PKP4: variants seen among roughly 807,000 people sequenced by gnomAD.
The protein encoded by PKP4 is plakophilin 4.
In PKP4, 90 loss-of-function variants were observed where a neutral mutation model predicts 145.1. The observed-to-expected ratio is 0.62, with a 90% CI of 0.52 to 0.74. The LOEUF is 0.74. Among genes scored for constraint, PKP4 ranks in the 30% least tolerant of loss-of-function variants. The pLI is 0.00. For missense variants in PKP4, 1,340 were observed against 1,482.7 expected (o/e 0.90, Z 1.58); for synonymous variants, 563 against 577.2 (o/e 0.98, Z 0.35).
chr2:158,577,866 C>T lies in PKP4; in HGVS notation c.245+483C>T, dbSNP rs145503764. On this transcript the variant is annotated intron_variant, in intron 3 of 21. Coordinates refer to ENST00000389759, the MANE Select transcript of PKP4 (RefSeq NM_003628.6). ...TGGAATAATTTACTGTACTCACATA[C>T]AGTAAATACTAAATGAGTGCATTAC... Among the ~76,000 whole-genome samples, 7 of 152,254 alleles carry T rather than the reference C, an allele frequency of 4.6e-5. No homozygotes were observed. In the South Asian group the frequency reaches 1.0e-3, roughly 23 times the overall value.
At chr2:158,543,840 C>T (rs570775802) in intron 2 of PKP4, among the ~76,000 whole-genome samples, 2 of 152,210 alleles carry the variant, frequency 1.3e-5, no homozygotes, top group African/African-American at 4.8e-5. Context: ...TACTCTTACC[C>T]AGAAAAGCAA....
At chr2:158,482,678 A>G (rs1693539845) in intron 1 of PKP4, among the ~76,000 whole-genome samples, 1 of 152,238 alleles carries the variant, frequency 6.6e-6, no homozygotes, top group East Asian at 1.9e-4. Context: ...TCTACAAAAA[A>G]TAAGCAAATT....
chr2:158,577,710 A>G (rs1303532476), intron 3 of PKP4, among the ~76,000 whole-genome samples: 1 of 152,198 alleles, frequency 6.6e-6, no homozygotes, highest in Non-Finnish European at 1.5e-5. Context: ...GGTGCTTTGA[A>G]CACCTGGTAT....
intron 2 of PKP4, among the ~76,000 whole-genome samples, chr2:158,562,206 A>G (rs1427876034): frequency 6.6e-6 from 1 of 152,230 alleles, no homozygotes; most frequent in Non-Finnish European, 1.5e-5. Context: ...ACTTTAAAAA[A>G]ATACATAAAA....
chr2:158,677,345 G>A, intron 20 of PKP4: 2 of 213,034 alleles, frequency 9.4e-6, no homozygotes, highest in Non-Finnish European at 1.9e-5. Context: ...AATAGCAAAA[G>A]GTATAATGTG....
Position 158,621,213 on chromosome 2 carries a change from T to C in PKP4, c.413-18T>C. 1 of 1,613,864 alleles carries C rather than the reference T, an allele frequency of 6.2e-7. No individual in the cohort carries two copies. Among genetic ancestry groups the C allele is most frequent in the Non-Finnish European group, 8.5e-7 (1 of 1,179,740 alleles). ...GAAGTGTGTATAATAAAGATATTTC[T>C]TGGTTTCATTCTTACAGGATCATTG... On this transcript the variant is annotated intron_variant, in intron 5 of 21. Coordinates refer to ENST00000389759, the MANE Select transcript of PKP4 (RefSeq NM_003628.6).
At chr2:158,657,686 A>G (rs2056124391) in intron 11 of PKP4, among the ~76,000 whole-genome samples, 1 of 152,248 alleles carries the variant, frequency 6.6e-6, no homozygotes, top group Non-Finnish European at 1.5e-5. Context: ...AAGAAAAAGA[A>G]ATATTTTTCC....
intron 16 of PKP4, 47 bp from the exon 17 acceptor site, chr2:158,669,673 A>G (rs750129614): frequency 3.6e-6 from 5 of 1,389,540 alleles, no homozygotes; most frequent in Non-Finnish European, 4.8e-6. Flanking sequence ...CAATAACAAA[A>G]ACCTAGTACC....
At chr2:158,650,155 G>A (rs547256245) in intron 11 of PKP4, among the ~76,000 whole-genome samples, 18 of 152,316 alleles carry the variant, frequency 1.2e-4, no homozygotes, top group African/African-American at 3.1e-4. Context: ...GCCCCAGAAG[G>A]ATTCTCTAAT....
At chr2:158,462,785 T>C (rs1689965810) in intron 1 of PKP4, among the ~76,000 whole-genome samples, 1 of 152,292 alleles carries the variant, frequency 6.6e-6, no homozygotes, top group East Asian at 1.9e-4. Context: ...GATTGTATAA[T>C]CTCTGTGGTC....
intron 1 of PKP4, among the ~76,000 whole-genome samples, chr2:158,479,928 C>G (rs1693081607): frequency 1.3e-5 from 2 of 152,314 alleles, no homozygotes; most frequent in African/African-American, 2.4e-5. Context: ...TGCTTCTGCC[C>G]TAGCTACAAC....
chr2:158,520,774 A>C (rs556894941), intron 1 of PKP4, among the ~76,000 whole-genome samples: 1 of 152,290 alleles, frequency 6.6e-6, no homozygotes, highest in South Asian at 2.1e-4. Flanking sequence ...CCACCTATGC[A>C]TGCGTTCTTA....
intron 1 of PKP4, among the ~76,000 whole-genome samples, chr2:158,483,602 G>A (rs540626730): frequency 1.3e-5 from 2 of 152,054 alleles, no homozygotes; most frequent in South Asian, 4.2e-4. Flanking sequence ...TGTATTAAAT[G>A]GTGTTTGGGG....
chr2:158,673,496 G>C (rs971199532), intron 17 of PKP4, among the ~76,000 whole-genome samples, 181 bp from the exon 18 acceptor site: 4 of 152,228 alleles, frequency 2.6e-5, no homozygotes, highest in Admixed American at 2.0e-4. Context: ...CCTCTTGCCA[G>C]TTCCGAACCT....
At chr2:158,679,548 A>G (rs2058292368) in intron 21 of PKP4, among the ~76,000 whole-genome samples, 2 of 152,250 alleles carry the variant, frequency 1.3e-5, no homozygotes, top group South Asian at 2.1e-4. Flanking sequence ...AGGACATGAC[A>G]TTGGTTTCTA....
chr2:158,491,898 C>G (rs1694993604), intron 1 of PKP4, among the ~76,000 whole-genome samples: 2 of 151,976 alleles, frequency 1.3e-5, no homozygotes, highest in Admixed American at 1.3e-4. Flanking sequence ...CAGGCTCAAG[C>G]AGCCCCTCAT....
chr2:158,673,994 C>T lies in PKP4; in HGVS notation c.3121C>T (p.Gln1041Ter), dbSNP rs1260488077. The T allele has an allele frequency of 1.3e-6, 2 of 1,548,478 alleles. No homozygotes were observed. The highest frequency in any genetic ancestry group is 1.8e-6 in the Non-Finnish European group (2 of 1,119,936). Residue 1041 changes from glutamine (Q) to a stop codon, truncating the protein, a stop_gained, in exon 19 of 22, where the codon CAG becomes TAG. Transcript: ENST00000389759. LOFTEE classifies it high-confidence loss of function. The part of the protein sequence containing the change: ...TTNQQMSPII[Q>*]SVGSTSSSPA... ...CAACCAACAGATGTCACCCATCATT[C>T]AGTCAGGTCAGTGGGAAAATGCCAC...
intron 1 of PKP4, among the ~76,000 whole-genome samples, chr2:158,468,209 C>T (rs901225806): frequency 1.3e-5 from 2 of 152,134 alleles, no homozygotes; most frequent in African/African-American, 4.8e-5. Flanking sequence ...TATCTGAGAC[C>T]TCAGTAATCC....
At chr2:158,603,004 A>G in intron 3 of PKP4, 66 bp from the exon 4 acceptor site, 1 of 885,182 alleles carries the variant, frequency 1.1e-6, no homozygotes, top group Non-Finnish European at 1.7e-6. Flanking sequence ...TATGCAAAAC[A>G]GGTCCTAAGC....
Sources: gnomAD v4.1 joint callset for allele counts (sites outside exome capture counted in the v4.1 genomes callset) on GRCh38, gnomAD v4.1.1 for gene constraint, MANE v1.5 for transcripts, NCBI Gene and HGNC (gene_info 2026-07-23, HGNC 2026-07-21) for gene names.